Variants in MTMR3 observed in about 807,000 individuals in gnomAD.
MTMR3 encodes phosphatidylinositol-3,5-bisphosphate 3-phosphatase MTMR3.
A neutral mutation model predicts 132.4 loss-of-function variants in MTMR3; 32 were observed. The observed-to-expected ratio is 0.24, with a 90% CI of 0.18 to 0.32. MTMR3 has a LOEUF of 0.32. MTMR3 is among the 10% of genes least tolerant of loss of function. The pLI is 1.00. For missense variants in MTMR3, 1,216 were observed against 1,489.6 expected (o/e 0.82, Z 3.02); for synonymous variants, 556 against 550.3 (o/e 1.01, Z -0.14).
At chr22:29,911,087 G>A (rs1194449844) in intron 1 of MTMR3, among the ~76,000 whole-genome samples, 12 of 152,106 alleles carry the variant, frequency 7.9e-5, no homozygotes, top group Admixed American at 7.9e-4. Context: ...CCAGGCAGGA[G>A]GTCTGTCTGC....
At chr22:29,925,759 C>CA (rs907195634) in intron 1 of MTMR3, among the ~76,000 whole-genome samples, 9 of 151,718 alleles carry the variant, frequency 5.9e-5, no homozygotes, top group African/African-American at 1.9e-4. Flanking sequence ...ACTAAAATCA[C>CA]AAAAAAATAG....
intron 9 of MTMR3, chr22:30,005,326 CAT>C (rs2067252230): frequency 6.6e-6 from 1 of 152,138 alleles, no homozygotes; most frequent in South Asian, 2.1e-4. Flanking sequence ...CTGCAGAAAA[CAT>C]AATTGTTTAT....
chr22:29,986,250 A>G (rs935124613), intron 5 of MTMR3: 1 of 152,236 alleles, frequency 6.6e-6, no homozygotes, highest in African/African-American at 2.4e-5. Context: ...CAAAATTTTA[A>G]TTGGTAACAT....
chr22:29,957,978 C>T (rs1445495520), intron 2 of MTMR3, among the ~76,000 whole-genome samples: 1 of 151,018 alleles, frequency 6.6e-6, no homozygotes, highest in East Asian at 2.2e-4. Flanking sequence ...TAGGTACATA[C>T]GTAGAGGAAA....
At chr22:29,926,078 G>A (rs1363451008) in intron 1 of MTMR3, among the ~76,000 whole-genome samples, 3 of 152,200 alleles carry the variant, frequency 2.0e-5, no homozygotes, top group Non-Finnish European at 4.4e-5. Flanking sequence ...CTTCGCAACT[G>A]CTAGTTGATT....
intron 1 of MTMR3, among the ~76,000 whole-genome samples, chr22:29,930,638 G>A (rs2065622748): frequency 1.3e-5 from 2 of 152,314 alleles, no homozygotes; most frequent in South Asian, 4.1e-4. Flanking sequence ...GCTGCAGTGA[G>A]CTGTGATTGT....
chr22:29,908,843 G>A (rs1239199280), intron 1 of MTMR3, among the ~76,000 whole-genome samples: 6 of 152,230 alleles, frequency 3.9e-5, no homozygotes, highest in African/African-American at 1.4e-4. Context: ...ATTCTTTAAA[G>A]CATATTTAGG....
rs2067643625 is a variant in MTMR3, at chr22:30,018,038, C to G, written c.1786C>G (p.Pro596Ala). 6.2e-7 allele frequency: 1 copy of G among 1,612,610 alleles called. No individual in the cohort carries two copies. The highest frequency in any genetic ancestry group is 8.5e-7 in the Non-Finnish European group (1 of 1,179,552). ...CGACAGCTGTGCACCATACCCAGCC[C>G]CAGGCACCAGCCCTGATGATCCCCC... ...VDDSCAPYPAPGTSPDDPPLS... is the reference protein window; with the variant it reads ...VDDSCAPYPAAGTSPDDPPLS... The change falls in exon 16 of 20, where the codon CCA becomes GCA. Residue 596 changes from proline to alanine, a missense_variant. Transcript: ENST00000401950.
chr22:30,002,815 C>G (rs2067203504), intron 8 of MTMR3, 65 bp from the exon 9 acceptor site: 1 of 1,233,108 alleles, frequency 8.1e-7, no homozygotes. Flanking sequence ...GTCTCTCTCT[C>G]TCTCCCGTTT....
At chr22:29,937,092 T>C (rs2065764330) in intron 1 of MTMR3, among the ~76,000 whole-genome samples, 2 of 152,140 alleles carry the variant, frequency 1.3e-5, no homozygotes, top group Non-Finnish European at 2.9e-5. Context: ...TAAGCTTTTG[T>C]TATTATATAT....
chr22:29,885,553 C>T (rs557063718), intron 1 of MTMR3, among the ~76,000 whole-genome samples: 1 of 152,266 alleles, frequency 6.6e-6, no homozygotes, highest in East Asian at 1.9e-4. Flanking sequence ...AGGAAATAAA[C>T]AGAGAAGGAG....
chr22:30,017,813 T>G, intron 15 of MTMR3, 114 bp from the exon 16 acceptor site: 2 of 1,321,588 alleles, frequency 1.5e-6, no homozygotes, highest in Non-Finnish European at 2.1e-6. Flanking sequence ...TTTGTGGAGA[T>G]CCTGTCAGCC....
intron 1 of MTMR3, among the ~76,000 whole-genome samples, chr22:29,920,900 C>G (rs973723754): frequency 7.4e-6 from 1 of 135,034 alleles, no homozygotes; most frequent in Non-Finnish European, 1.5e-5. Flanking sequence ...AAATTTTGTT[C>G]ATTCTAAAGA....
intron 7 of MTMR3, chr22:29,993,851 T>C (rs1444597719): frequency 1.3e-5 from 2 of 152,220 alleles, no homozygotes; most frequent in East Asian, 3.8e-4. Flanking sequence ...ATATCTACAG[T>C]GTTCTCTGTC....
chr22:30,017,331 A>G, intron 15 of MTMR3: 1 of 153,910 alleles, frequency 6.5e-6, no homozygotes, highest in Non-Finnish European at 1.4e-5. Context: ...AGTCAAAAGG[A>G]GGCTAATCAG....
intron 1 of MTMR3, among the ~76,000 whole-genome samples, chr22:29,949,509 C>CCCA (rs1555902916): frequency 1.6e-5 from 2 of 124,594 alleles, no homozygotes; most frequent in African/African-American, 6.3e-5. Context: ...CGCCCCCCCC[C>CCCA]AAAAAAAAAA....
intron 1 of MTMR3, among the ~76,000 whole-genome samples, chr22:29,885,641 C>G (rs548133551): frequency 2.6e-5 from 4 of 152,170 alleles, no homozygotes; most frequent in Non-Finnish European, 5.9e-5. Flanking sequence ...CCTAAACCAT[C>G]TGACTCAGAT....
At chr22:29,927,943 T>G (rs1004967268) in intron 1 of MTMR3, among the ~76,000 whole-genome samples, 1 of 145,588 alleles carries the variant, frequency 6.9e-6, no homozygotes, top group Non-Finnish European at 1.5e-5. Context: ...GCCTTTGTTT[T>G]TTTTTTTTTT....
chr22:29,972,918 A>G lies in MTMR3; in HGVS notation c.3+1856A>G, dbSNP rs558792822. Reference sequence around the variant, plus strand: ...TTCATGTCTCATATGTATGTTTTATATAGTTAGAATGATAAAATAATTAAG... The same window carrying G: ...TTCATGTCTCATATGTATGTTTTATGTAGTTAGAATGATAAAATAATTAAG... On this transcript the variant is annotated intron_variant, in intron 3 of 19. Coordinates refer to ENST00000401950, the MANE Select transcript of MTMR3 (RefSeq NM_021090.4). Among the ~76,000 whole-genome samples the G allele has an allele frequency of 4.6e-5, 7 of 152,358 alleles. No homozygotes were observed. The South Asian group carries it at 1.5e-3, about 32-fold the overall frequency.
Sources: gnomAD v4.1 joint callset for allele counts (sites outside exome capture counted in the v4.1 genomes callset) on GRCh38, gnomAD v4.1.1 for gene constraint, MANE v1.5 for transcripts, NCBI Gene and HGNC (gene_info 2026-07-23, HGNC 2026-07-21) for gene names.